Variants in CORO1C observed in about 807,000 individuals in gnomAD.
The protein encoded by CORO1C is coronin 1C, also known as coronin-1C.
CORO1C carries 14 observed loss-of-function variants against 51.2 expected under a neutral mutation model. The ratio of observed to expected loss-of-function variants is 0.27; its 90% CI spans 0.18 to 0.43. The LOEUF (loss-of-function observed/expected upper bound fraction) is 0.43, where lower values mean the gene tolerates loss of function less well. Ranked by LOEUF, CORO1C falls within the 20% of genes least tolerant of loss-of-function variation. CORO1C has a pLI of 1.00. For missense variants in CORO1C, 417 were observed against 607.8 expected (o/e 0.69, Z 3.30); for synonymous variants, 181 against 210.5 (o/e 0.86, Z 1.21).
intron 3 of CORO1C, among the ~76,000 whole-genome samples, chr12:108,676,272 A>G (rs978530274): frequency 6.6e-6 from 1 of 152,178 alleles, no homozygotes; most frequent in African/African-American, 2.4e-5. Context: ...TTGACATGGA[A>G]GGTGGTTTCA....
intron 2 of CORO1C, among the ~76,000 whole-genome samples, chr12:108,685,241 A>G (rs1309876560): frequency 6.6e-6 from 1 of 152,226 alleles, no homozygotes; most frequent in Non-Finnish European, 1.5e-5. Context: ...TGAGAATAAT[A>G]ATAAGCATTA....
At chr12:108,669,359 T>G (rs754681530) in intron 3 of CORO1C, among the ~76,000 whole-genome samples, 22 of 152,348 alleles carry the variant, frequency 1.4e-4, no homozygotes, top group Non-Finnish European at 2.9e-4. Context: ...TTAAAGGTAC[T>G]CTTGCTGCTA....
chr12:108,646,749 GT>G lies in CORO1C; in HGVS notation c.*653del, dbSNP rs2032376179. The stretch of plus-strand genomic sequence containing the variant: ...AATATGAATCCACGTGATTTTTCAA[GT>G]CTTCCTGTTGTACAGTCATCAAAAT... On this transcript the variant is annotated 3_prime_UTR_variant, in exon 11 of 11. Transcript: ENST00000261401. The G allele has an allele frequency of 6.6e-6, 1 of 152,508 alleles. No homozygotes were observed. Among genetic ancestry groups the G allele is most frequent in the Admixed American group, 6.5e-5 (1 of 15,282 alleles). 9.4% of individuals were successfully genotyped at this position (152,508 alleles called of 1,614,324 possible).
chr12:108,706,189 AAAAAAACAAAAAAAAC>A lies in CORO1C; in HGVS notation c.-5-4882_-5-4867del, dbSNP rs1454471742. Among the ~76,000 whole-genome samples the A allele has an allele frequency of 4.6e-5, 7 of 151,378 alleles. No homozygotes were observed. The East Asian group carries it at 1.2e-3, about 25-fold the overall frequency. On this transcript the variant is annotated intron_variant, in intron 1 of 10. Coordinates refer to ENST00000261401, the MANE Select transcript of CORO1C (RefSeq NM_014325.4). ...GCAACAGAGTGAGACTCTGAATCAA[AAAAAAACAAAAAAAAC>A]AAAAAAAAAGCATTTGACAAAATTA...
At chr12:108,708,559 T>G (rs2035092962) in intron 1 of CORO1C, among the ~76,000 whole-genome samples, 1 of 151,682 alleles carries the variant, frequency 6.6e-6, no homozygotes, top group Non-Finnish European at 1.5e-5. Context: ...CCTCCCAGGT[T>G]CAAGCAATTC....
At chr12:108,727,688 G>A (rs923122621) in intron 1 of CORO1C, among the ~76,000 whole-genome samples, 1 of 152,132 alleles carries the variant, frequency 6.6e-6, no homozygotes, top group Admixed American at 6.5e-5. Context: ...AAATATTGAG[G>A]AGGGTGTGGT....
rs946218274 is a variant in CORO1C, at chr12:108,690,828, C to A, written c.195+10296G>T. 3.9e-5 allele frequency among the ~76,000 whole-genome samples: 6 copies of A among 152,160 alleles called. No individual in the cohort carries two copies. In the East Asian group the frequency reaches 1.2e-3, roughly 29 times the overall value. The stretch of plus-strand genomic sequence containing the variant: ...GAGCTAGAAAGCAAAAGCTGAAAAG[C>A]AGAAGAACTACAGATGTAAATGCAA... On this transcript the variant is annotated intron_variant, in intron 2 of 10. Coordinates refer to ENST00000261401, the MANE Select transcript of CORO1C (RefSeq NM_014325.4).
At chr12:108,680,314 T>G (rs962233160) in intron 2 of CORO1C, among the ~76,000 whole-genome samples, 1 of 152,228 alleles carries the variant, frequency 6.6e-6, no homozygotes, top group African/African-American at 2.4e-5. Context: ...TGGCCCTGTT[T>G]ACAGACCTAA....
At position 108,654,290 on chromosome 12, in the gene CORO1C, C is replaced by G. The variant is rs749268611; in HGVS notation, c.855+16G>C. The stretch of plus-strand genomic sequence containing the variant: ...ACTTACAGGATTTAACACCAAACAT[C>G]AAAATTACTGTTTACCTTTCCACAT... On this transcript the variant is annotated intron_variant, in intron 7 of 10. Transcript: ENST00000261401. 1.3e-6 allele frequency: 2 copies of G among 1,521,434 alleles called. No individual in the cohort carries two copies. The highest frequency in any genetic ancestry group is 2.3e-5 in the South Asian group (2 of 87,894). The allele number at this position is 1,521,434 out of a possible 1,614,324, so 94.2% of individuals were successfully genotyped here.
intron 8 of CORO1C, 45 bp downstream of exon 8, chr12:108,652,227 C>T: frequency 6.3e-7 from 1 of 1,578,978 alleles, no homozygotes; most frequent in South Asian, 1.1e-5. Flanking sequence ...ATAATTGTCA[C>T]ACAGTTACAC....
At chr12:108,696,067 G>A (rs964736637) in intron 2 of CORO1C, among the ~76,000 whole-genome samples, 5 of 152,024 alleles carry the variant, frequency 3.3e-5, no homozygotes, top group African/African-American at 1.2e-4. Flanking sequence ...TACAACAAAG[G>A]AGCCCATGGG....
rs1453608740 is a variant in CORO1C, at chr12:108,665,210, TC to T, written c.319-3053del. ...TTAACCTTTTCCTTTCTCTAGCTTC[TC>T]CCCATCATCTTTTCCTGGATTAAAA... On this transcript the variant is annotated intron_variant, in intron 3 of 10. Coordinates refer to ENST00000261401, the MANE Select transcript of CORO1C (RefSeq NM_014325.4). Among the ~76,000 whole-genome samples the T allele has an allele frequency of 2.6e-5, 4 of 152,300 alleles. No individual in the cohort carries two copies. The East Asian group carries it at 7.7e-4, about 29-fold the overall frequency.
chr12:108,714,971 G>A (rs2035287013), intron 1 of CORO1C, among the ~76,000 whole-genome samples: 1 of 152,132 alleles, frequency 6.6e-6, no homozygotes, highest in African/African-American at 2.4e-5. Context: ...ATTGCAGAGC[G>A]TAATGTGACG....
chr12:108,707,377 A>C (rs529901712), intron 1 of CORO1C, among the ~76,000 whole-genome samples: 27 of 152,370 alleles, frequency 1.8e-4, no homozygotes, highest in Non-Finnish European at 3.7e-4. Context: ...TCCAGAAGTA[A>C]ACTCATACAT....
intron 1 of CORO1C, among the ~76,000 whole-genome samples, chr12:108,715,532 T>C (rs2035304451): frequency 6.6e-6 from 1 of 152,150 alleles, no homozygotes; most frequent in Non-Finnish European, 1.5e-5. Flanking sequence ...AGCATCTTTA[T>C]AAACACAACC....
chr12:108,665,607 C>T (rs2033446052), intron 3 of CORO1C, among the ~76,000 whole-genome samples: 1 of 152,146 alleles, frequency 6.6e-6, no homozygotes, highest in South Asian at 2.1e-4. Context: ...TGGTTCAAAT[C>T]CTGCCTGGGC....
intron 3 of CORO1C, among the ~76,000 whole-genome samples, chr12:108,673,170 G>C (rs1476507542): frequency 6.6e-6 from 1 of 152,208 alleles, no homozygotes; most frequent in Non-Finnish European, 1.5e-5. Context: ...TAGCCAAGTT[G>C]TGAATGCAAA....
At chr12:108,666,423 G>A (rs956509787) in intron 3 of CORO1C, among the ~76,000 whole-genome samples, 1 of 152,194 alleles carries the variant, frequency 6.6e-6, no homozygotes, top group Non-Finnish European at 1.5e-5. Flanking sequence ...ACTGTGGAAA[G>A]AGCTTGGGGG....
intron 2 of CORO1C, among the ~76,000 whole-genome samples, chr12:108,682,621 CAG>C (rs2034163179): frequency 6.6e-6 from 1 of 152,036 alleles, no homozygotes; most frequent in Admixed American, 6.6e-5. Context: ...AGAAATTAAA[CAG>C]ACAAAATTAA....
Sources: allele counts gnomAD v4.1 joint callset (sites outside exome capture counted in the v4.1 genomes callset), GRCh38; gene constraint gnomAD v4.1.1; transcripts MANE v1.5; gene names NCBI Gene and HGNC (gene_info 2026-07-23, HGNC 2026-07-21).